The following ZNF782 variants were observed in gnomAD, a reference collection of about 807,000 sequenced individuals.
ZNF782 encodes the protein zinc finger protein 782.
A neutral mutation model predicts 13.0 loss-of-function variants in ZNF782; 12 were observed. The ratio of observed to expected loss-of-function variants is 0.92; its 90% CI spans 0.59 to 1.50. The LOEUF is 1.50. Ranked by LOEUF, ZNF782 falls within the 40% of genes most tolerant of loss-of-function variation. The pLI is 0.00. For missense variants in ZNF782, 770 were observed against 822.9 expected (o/e 0.94, Z 0.79); for synonymous variants, 284 against 283.0 (o/e 1.00, Z -0.04).
the ZNF782 span, chr9:96,893,999 C>CAAAAAAAAAA: frequency 8.2e-5 from 4 of 48,884 alleles, no homozygotes; most frequent in African/African-American, 3.4e-4. Flanking sequence ...GACTCCGTCT[C>CAAAAAAAAAA]AAAAAAAAAA....
intron 2 of ZNF782, chr9:96,860,457 G>A (rs1851691014): frequency 1.3e-5 from 2 of 152,380 alleles, no homozygotes; most frequent in South Asian, 4.2e-4. Context: ...GAAAGTAAGG[G>A]AAGAAGTCAG....
the ZNF782 span, among the ~76,000 whole-genome samples, chr9:96,896,721 A>C: frequency 2.0e-5 from 3 of 152,182 alleles, no homozygotes; most frequent in African/African-American, 7.2e-5. Flanking sequence ...CCCAGGATAA[A>C]AGCAGGCTCT....
At chr9:96,919,733 T>G in the ZNF782 span, among the ~76,000 whole-genome samples, 1 of 149,940 alleles carries the variant, frequency 6.7e-6, no homozygotes, top group Admixed American at 6.6e-5. Context: ...CCAGCTAATT[T>G]TTATATTTTT....
At position 96,854,337 on chromosome 9, in the gene ZNF782, C is replaced by G. The variant is rs1041131483; in HGVS notation, c.-511G>C. On this transcript the variant is annotated 5_prime_UTR_variant, in exon 1 of 6. Coordinates refer to ENST00000481138, the MANE Select transcript of ZNF782 (RefSeq NM_001001662.3). ...CGGGAAGGCCGAGGGCCCGCCCGGT[C>G]GCATCCACTGACACAGGGGGCGGGG... 6.6e-6 allele frequency: 1 copy of G among 152,146 alleles called. No individual in the cohort carries two copies. The allele number at this position is 152,146 out of a possible 1,614,324, so 9.4% of individuals were successfully genotyped here.
chr9:96,930,219 T>A, the ZNF782 span, among the ~76,000 whole-genome samples: 1 of 151,666 alleles, frequency 6.6e-6, no homozygotes, highest in African/African-American at 2.4e-5. Context: ...TAGTGTAACA[T>A]GACTAGCAGC....
the ZNF782 span, among the ~76,000 whole-genome samples, chr9:96,904,014 T>C: frequency 1.4e-4 from 21 of 151,662 alleles, no homozygotes; most frequent in African/African-American, 4.9e-4. Flanking sequence ...AAGTTCTAGT[T>C]ACTCCACATT....
intron 5 of ZNF782, among the ~76,000 whole-genome samples, chr9:96,820,748 C>A (rs1310056978): frequency 6.6e-6 from 1 of 152,004 alleles, no homozygotes; most frequent in Non-Finnish European, 1.5e-5. Context: ...CAGGGTTTTG[C>A]CATGTTGGCC....
the ZNF782 span, among the ~76,000 whole-genome samples, chr9:96,925,958 GGCATGCTCAGAGA>G: frequency 7.5e-6 from 1 of 134,120 alleles, no homozygotes; most frequent in Non-Finnish European, 1.5e-5. Context: ...ACTTTCTGTG[GGCATGCTCAGAGA>G]GCAGGGGCCA....
At chr9:96,877,088 C>T (rs13295145), upstream of ZNF782, among the ~76,000 whole-genome samples, 1 of 151,562 alleles carries the variant, frequency 6.6e-6, no homozygotes, top group Middle Eastern at 3.5e-3. Flanking sequence ...TTAACCAAAC[C>T]AGGGAAATAC....
At chr9:96,920,427 C>T in the ZNF782 span, among the ~76,000 whole-genome samples, 97 of 149,688 alleles carry the variant, frequency 6.5e-4, no homozygotes, top group Non-Finnish European at 7.4e-5. Context: ...CCACCATGCC[C>T]GGCTAATTTT....
intron 5 of ZNF782, among the ~76,000 whole-genome samples, chr9:96,820,067 G>A (rs548602606): frequency 2.6e-4 from 40 of 152,262 alleles, no homozygotes; most frequent in Middle Eastern, 6.8e-3. Flanking sequence ...CAAAATGACT[G>A]AGAATGGTGT....
chr9:96,903,249 T>A, the ZNF782 span: 2 of 152,064 alleles, frequency 1.3e-5, no homozygotes, highest in Non-Finnish European at 2.9e-5. Flanking sequence ...ACCGATTTGT[T>A]GCCTAACATT....
chr9:96,907,498 T>A, the ZNF782 span, among the ~76,000 whole-genome samples: 1 of 152,304 alleles, frequency 6.6e-6, no homozygotes, highest in East Asian at 1.9e-4. Flanking sequence ...ATGTTACATG[T>A]AGTTTACCGC....
chr9:96,885,995 A>T, the ZNF782 span, among the ~76,000 whole-genome samples: 1 of 151,978 alleles, frequency 6.6e-6, no homozygotes, highest in Non-Finnish European at 1.5e-5. Context: ...CCACAGGCAC[A>T]TGCCACCATG....
chr9:96,817,511 C>T lies in ZNF782; in HGVS notation c.*412G>A, dbSNP rs1850209214. 6.3e-6 allele frequency: 1 copy of T among 159,106 alleles called. No homozygotes were observed. Among genetic ancestry groups the T allele is most frequent in the African/African-American group, 2.4e-5 (1 of 41,634 alleles). 9.9% of individuals were successfully genotyped at this position (159,106 alleles called of 1,614,324 possible). ...TGACTTTTCATTAAAGTTTATCACA[C>T]ACTTATTATATTCTAGCTTTTGTCA... On this transcript the variant is annotated 3_prime_UTR_variant, in exon 6 of 6. Transcript: ENST00000481138.
At chr9:96,931,288 C>T in the ZNF782 span, among the ~76,000 whole-genome samples, 2 of 151,058 alleles carry the variant, frequency 1.3e-5, no homozygotes, top group Non-Finnish European at 3.0e-5. Flanking sequence ...CCATAATATT[C>T]GGAAACTTCT....
In ZNF782 at chr9:96,816,902, G is replaced by A. The variant is rs532849782; in HGVS notation, c.*1021C>T. On this transcript the variant is annotated 3_prime_UTR_variant, in exon 6 of 6. Coordinates refer to ENST00000481138, the MANE Select transcript of ZNF782 (RefSeq NM_001001662.3). ...ATGTGACTTTTCTGACATACACTGAGTTCAGATGTCCTGAAAAATCATACT... is the reference window on the plus strand; with the variant it reads ...ATGTGACTTTTCTGACATACACTGAATTCAGATGTCCTGAAAAATCATACT... 1 of 152,338 alleles carries A rather than the reference G, an allele frequency of 6.6e-6. No homozygotes were observed. The highest frequency in any genetic ancestry group is 1.9e-4 in the East Asian group (1 of 5,188). The allele number at this position is 152,338 out of a possible 1,614,324, so 9.4% of individuals were successfully genotyped here.
At chr9:96,876,071 G>C (rs1017137731), upstream of ZNF782, among the ~76,000 whole-genome samples, 2 of 152,134 alleles carry the variant, frequency 1.3e-5, no homozygotes, top group Admixed American at 6.5e-5. Flanking sequence ...AGCCCCTAGA[G>C]GTTATGGGTT....
At chr9:96,900,510 CG>C in the ZNF782 span, among the ~76,000 whole-genome samples, 3 of 152,178 alleles carry the variant, frequency 2.0e-5, no homozygotes, top group African/African-American at 7.2e-5. Flanking sequence ...AAGGCCGAGG[CG>C]GGGGGATCAC....
Sources: gnomAD v4.1 joint callset for allele counts (sites outside exome capture counted in the v4.1 genomes callset) on GRCh38, gnomAD v4.1.1 for gene constraint, MANE v1.5 for transcripts, NCBI Gene and HGNC (gene_info 2026-07-23, HGNC 2026-07-21) for gene names.